Variants in ADD3 observed in about 807,000 individuals in gnomAD.
ADD3 encodes the protein gamma-adducin.
ADD3 carries 25 observed loss-of-function variants against 80.2 expected under a neutral mutation model. The ratio of observed to expected loss-of-function variants is 0.31; its 90% confidence interval spans 0.23 to 0.44. The LOEUF (loss-of-function observed/expected upper bound fraction) is 0.44, where lower values mean the gene tolerates loss of function less well. Among genes scored for constraint, ADD3 ranks in the 20% least tolerant of loss-of-function variants. ADD3 has a pLI of 1.00. For synonymous variants in ADD3, 284 were observed against 289.6 expected (o/e 0.98, Z 0.20); for missense variants, 829 against 847.5 (o/e 0.98, Z 0.27).
chr10:110,119,605 T>G (rs1851200049), intron 8 of ADD3, 41 bp downstream of exon 8: 1 of 1,544,688 alleles, frequency 6.5e-7, no homozygotes, highest in African/African-American at 1.4e-5. Context: ...CTTTGTTATT[T>G]GCTCGTTTAG....
intron 1 of ADD3, among the ~76,000 whole-genome samples, chr10:110,046,667 T>C (rs928563235): frequency 2.0e-5 from 3 of 152,170 alleles, no homozygotes; most frequent in African/African-American, 7.2e-5. Flanking sequence ...GCTGAACTTT[T>C]CTAGGTCTTG....
At chr10:110,102,938 A>G (rs2133970481) in intron 2 of ADD3, among the ~76,000 whole-genome samples, 1 of 152,358 alleles carries the variant, frequency 6.6e-6, no homozygotes, top group African/African-American at 2.4e-5. Flanking sequence ...TGGGGAACTT[A>G]GTGAAATAAT....
At chr10:110,035,517 A>G (rs1015222055) in intron 1 of ADD3, among the ~76,000 whole-genome samples, 2 of 152,210 alleles carry the variant, frequency 1.3e-5, no homozygotes, top group African/African-American at 2.4e-5. Flanking sequence ...AATCCAAGCT[A>G]GACTTGCTGA....
At chr10:110,110,177 A>C (rs1406509319) in intron 2 of ADD3, among the ~76,000 whole-genome samples, 1 of 152,188 alleles carries the variant, frequency 6.6e-6, no homozygotes, top group Non-Finnish European at 1.5e-5. Context: ...CACTTGCCTT[A>C]TTAGCAGAAA....
chr10:110,106,487 G>A lies in ADD3; in HGVS notation c.195+5639G>A, dbSNP rs572145946. ...AAGTGAATTCTACTTTTGGTTTATA[G>A]TATTCCGGAATATGTGAGTACTTAA... On this transcript the variant is annotated intron_variant, in intron 2 of 14. Transcript: ENST00000356080. Among the ~76,000 whole-genome samples, 10 of 152,098 alleles carry A rather than the reference G, an allele frequency of 6.6e-5. No homozygotes were observed. The South Asian group carries it at 2.1e-3, about 32-fold the overall frequency.
intron 1 of ADD3, among the ~76,000 whole-genome samples, chr10:110,010,784 G>A (rs1294789946): frequency 1.3e-5 from 2 of 152,228 alleles, no homozygotes; most frequent in Non-Finnish European, 2.9e-5. Flanking sequence ...TGGCCCAAGA[G>A]TGAGCCCATG....
chr10:110,015,576 A>C (rs778648456), intron 1 of ADD3, among the ~76,000 whole-genome samples: 2 of 151,772 alleles, frequency 1.3e-5, no homozygotes, highest in Non-Finnish European at 2.9e-5. Flanking sequence ...GGGTTTTACC[A>C]TGTTAGCCCG....
chr10:110,075,299 T>C (rs1418390525), intron 1 of ADD3, among the ~76,000 whole-genome samples: 2 of 152,182 alleles, frequency 1.3e-5, no homozygotes, highest in African/African-American at 4.8e-5. Context: ...TTTTTTCATG[T>C]ATTTTGCTCT....
chr10:110,065,970 A>G (rs552948615), intron 1 of ADD3, among the ~76,000 whole-genome samples: 3 of 152,068 alleles, frequency 2.0e-5, no homozygotes, highest in Admixed American at 6.5e-5. Context: ...AGTTTTTTCA[A>G]TTATTCGATA....
At chr10:110,100,919 C>A in intron 2 of ADD3, 71 bp downstream of exon 2, 1 of 1,381,310 alleles carries the variant, frequency 7.2e-7, no homozygotes, top group Non-Finnish European at 9.6e-7. Flanking sequence ...TAGAAGTTTT[C>A]TCAAACTACC....
intron 1 of ADD3, among the ~76,000 whole-genome samples, chr10:110,074,468 G>A (rs1393237029): frequency 6.6e-6 from 1 of 152,122 alleles, no homozygotes; most frequent in Non-Finnish European, 1.5e-5. Context: ...GAATGTACAG[G>A]CACTAGGAGT....
Position 110,104,362 on chromosome 10 carries a change from T to C in ADD3, c.195+3514T>C, listed in dbSNP as rs1422826041. Among the ~76,000 whole-genome samples, 4 of 152,232 alleles carry C rather than the reference T, an allele frequency of 2.6e-5. No individual in the cohort carries two copies. In the East Asian group the frequency reaches 7.7e-4, roughly 29 times the overall value. The stretch of plus-strand genomic sequence containing the variant: ...TGTCTAAGTCATCCTTCCTTTTTCT[T>C]GAAAGGTAGCCTGTGTTTGCCACTT... On this transcript the variant is annotated intron_variant, in intron 2 of 14. Transcript: ENST00000356080.
At chr10:110,060,553 T>C (rs2076974) in intron 1 of ADD3, among the ~76,000 whole-genome samples, 98,940 of 152,162 alleles carry the variant, frequency 0.65, 37,199 homozygotes, top group Non-Finnish European at 0.83. Flanking sequence ...TTCTAACCAT[T>C]CCACCATTTT....
chr10:110,125,271 G>T (rs1223698326), intron 10 of ADD3, among the ~76,000 whole-genome samples: 1 of 152,130 alleles, frequency 6.6e-6, no homozygotes, highest in East Asian at 1.9e-4. Context: ...TGGGGTAAAT[G>T]AGAAGAATTA....
intron 1 of ADD3, among the ~76,000 whole-genome samples, chr10:110,058,771 C>T (rs1589917758): frequency 3.3e-5 from 5 of 152,250 alleles, no homozygotes; most frequent in Admixed American, 3.3e-4. Context: ...ATATGATCTG[C>T]TGATGTACCT....
chr10:110,051,713 G>A (rs1031194456), intron 1 of ADD3, among the ~76,000 whole-genome samples: 1 of 152,230 alleles, frequency 6.6e-6, no homozygotes, highest in African/African-American at 2.4e-5. Context: ...GAATCACAGG[G>A]TGGCAAAAGT....
chr10:110,063,736 ATTATATATATATATATATAT>A (rs1306366021), intron 1 of ADD3, among the ~76,000 whole-genome samples: 1 of 45,798 alleles, frequency 2.2e-5, no homozygotes, highest in African/African-American at 8.1e-5. Flanking sequence ...ATATATATTC[ATTATATATATATATATATAT>A]ATATATATAT....
intron 1 of ADD3, among the ~76,000 whole-genome samples, chr10:110,030,323 T>TAAAA (rs551525504): frequency 5.2e-5 from 7 of 133,978 alleles, no homozygotes; most frequent in Admixed American, 2.2e-4. Context: ...AACTCCATCT[T>TAAAA]AAAAAAAAAA....
At position 110,124,079 on chromosome 10, in the gene ADD3, T is replaced by G. The variant is rs1364412833; in HGVS notation, c.1206T>G (p.Ser402Arg). The part of the protein sequence containing the change: ...PLIREKPRHK[S>R]DVEIPATVTA... Reference sequence around the variant, plus strand: ...TTCGAGAGAAGCCTAGGCACAAGAGTGATGTGGAAATCCCAGCAACTGTGA... The same window carrying G: ...TTCGAGAGAAGCCTAGGCACAAGAGGGATGTGGAAATCCCAGCAACTGTGA... The change falls in exon 10 of 15, where the codon AGT (serine) becomes AGG (arginine). Residue 402 changes from serine (S) to arginine (R), a missense_variant. Ser to Arg is a moderately radical substitution (Grantham distance 110). Coordinates refer to ENST00000356080, the MANE Select transcript of ADD3 (RefSeq NM_016824.5). 1 of 1,613,874 alleles carries G rather than the reference T, an allele frequency of 6.2e-7. No individual in the cohort carries two copies. Among genetic ancestry groups the G allele is most frequent in the Non-Finnish European group, 8.5e-7 (1 of 1,179,980 alleles).
Sources: allele counts gnomAD v4.1 joint callset (sites outside exome capture counted in the v4.1 genomes callset), GRCh38; gene constraint gnomAD v4.1.1; transcripts MANE v1.5; gene names NCBI Gene and HGNC (gene_info 2026-07-23, HGNC 2026-07-21).